Variants in BMAL2 observed in about 807,000 individuals in gnomAD.
BMAL2 encodes the protein basic helix-loop-helix ARNT like 2.
chr12:27,369,077 G>A, the BMAL2 span, among the ~76,000 whole-genome samples: 3 of 152,134 alleles, frequency 2.0e-5, no homozygotes, highest in African/African-American at 2.4e-5. Context: ...TTTGAGACCC[G>A]CAAGACCCCA....
the BMAL2 span, among the ~76,000 whole-genome samples, chr12:27,400,283 G>A: frequency 6.6e-5 from 10 of 152,086 alleles, no homozygotes; most frequent in African/African-American, 9.7e-5. Context: ...TCCTAAAATA[G>A]AGCAACCTGT....
At chr12:27,414,588 A>T in the BMAL2 span, among the ~76,000 whole-genome samples, 2 of 152,206 alleles carry the variant, frequency 1.3e-5, no homozygotes, top group African/African-American at 2.4e-5. Flanking sequence ...GGGGAAATTT[A>T]AAAATCTTGA....
the BMAL2 span, among the ~76,000 whole-genome samples, chr12:27,363,091 T>C: frequency 0.28 from 42,423 of 152,068 alleles, 6,661 homozygotes; most frequent in East Asian, 0.45. Context: ...ATTACAGGCA[T>C]GAGCCACTGC....
At chr12:27,417,825 C>T in the BMAL2 span, among the ~76,000 whole-genome samples, 3 of 151,864 alleles carry the variant, frequency 2.0e-5, no homozygotes, top group Non-Finnish European at 2.9e-5. Context: ...AACCCCATCT[C>T]TACTAAAAAT....
At chr12:27,400,815 T>C in the BMAL2 span, 4 of 1,517,276 alleles carry the variant, frequency 2.6e-6, no homozygotes. Context: ...TTCAATGGGA[T>C]ATTTGAAGCT....
the BMAL2 span, among the ~76,000 whole-genome samples, chr12:27,361,078 A>T: frequency 1.3e-5 from 2 of 152,202 alleles, no homozygotes; most frequent in African/African-American, 4.8e-5. Context: ...AAAATGAAAG[A>T]AGCCATTTTG....
the BMAL2 span, among the ~76,000 whole-genome samples, chr12:27,410,071 C>T: frequency 7.3e-5 from 11 of 151,690 alleles, no homozygotes; most frequent in East Asian, 9.7e-4. Flanking sequence ...GTTAGAATGG[C>T]GATCATTAAA....
At chr12:27,344,023 T>C in the BMAL2 span, among the ~76,000 whole-genome samples, 2 of 152,234 alleles carry the variant, frequency 1.3e-5, no homozygotes, top group Non-Finnish European at 2.9e-5. Context: ...TACTATGTGC[T>C]AGGTGTTCTA....
the BMAL2 span, among the ~76,000 whole-genome samples, chr12:27,396,250 T>C: frequency 0.17 from 26,352 of 152,076 alleles, 3,059 homozygotes; most frequent in African/African-American, 0.33. Flanking sequence ...GTGCTTGGCT[T>C]CTAGGAAGCA....
At chr12:27,357,665 T>C in the BMAL2 span, among the ~76,000 whole-genome samples, 1 of 152,064 alleles carries the variant, frequency 6.6e-6, no homozygotes, top group Non-Finnish European at 1.5e-5. Context: ...GGTATGAAAA[T>C]AGGCACACAA....
chr12:27,401,282 C>T, the BMAL2 span: 1 of 1,613,902 alleles, frequency 6.2e-7, no homozygotes. Context: ...AGGATATCTG[C>T]CTCAGGAACT....
At chr12:27,412,570 C>T in the BMAL2 span, among the ~76,000 whole-genome samples, 2 of 151,984 alleles carry the variant, frequency 1.3e-5, no homozygotes, top group South Asian at 4.2e-4. Flanking sequence ...CAAGATGGCA[C>T]AATAGGATTT....
the BMAL2 span, among the ~76,000 whole-genome samples, chr12:27,407,888 G>GCT: frequency 6.6e-6 from 1 of 151,974 alleles, no homozygotes. Flanking sequence ...TCAAATAGAT[G>GCT]CAATAAAAAA....
At chr12:27,334,207 G>A in the BMAL2 span, among the ~76,000 whole-genome samples, 3 of 152,180 alleles carry the variant, frequency 2.0e-5, no homozygotes, top group Admixed American at 6.5e-5. Context: ...AAGATGGCAC[G>A]TGTGGTGTTT....
the BMAL2 span, among the ~76,000 whole-genome samples, chr12:27,373,155 G>A: frequency 6.6e-6 from 1 of 152,102 alleles, no homozygotes; most frequent in African/African-American, 2.4e-5. Flanking sequence ...TCTGAGCATC[G>A]ATCAAAGAGA....
At chr12:27,390,082 C>G in the BMAL2 span, 25 of 1,613,012 alleles carry the variant, frequency 1.5e-5, no homozygotes, top group Admixed American at 1.2e-4. Flanking sequence ...CTCTCGCCCC[C>G]TTCTGCACGA....
the BMAL2 span, chr12:27,424,529 A>T: frequency 6.6e-6 from 1 of 152,260 alleles, no homozygotes; most frequent in Admixed American, 6.5e-5. Flanking sequence ...TTACAGTGTC[A>T]CGACAGAAAA....
the BMAL2 span, among the ~76,000 whole-genome samples, chr12:27,342,542 TAGA>T: frequency 6.6e-6 from 1 of 152,234 alleles, no homozygotes; most frequent in Non-Finnish European, 1.5e-5. Context: ...TTAAAAGGAA[TAGA>T]AGATTATCCA....
At chr12:27,396,170 A>G in the BMAL2 span, among the ~76,000 whole-genome samples, 2 of 152,230 alleles carry the variant, frequency 1.3e-5, no homozygotes, top group Admixed American at 1.3e-4. Context: ...CGACAACCTG[A>G]GCAGACTAAT....
Sources: gnomAD v4.1 joint callset for allele counts (sites outside exome capture counted in the v4.1 genomes callset) on GRCh38, gnomAD v4.1.1 for gene constraint, MANE v1.5 for transcripts, NCBI Gene and HGNC (gene_info 2026-07-23, HGNC 2026-07-21) for gene names.